TRPS1: variants seen among roughly 807,000 people sequenced by gnomAD.
TRPS1 encodes the protein zinc finger transcription factor Trps1.
TRPS1 carries 6 observed loss-of-function variants against 101.2 expected under a neutral mutation model. The observed-to-expected ratio is 0.06, with a 90% CI of 0.03 to 0.12. The LOEUF (loss-of-function observed/expected upper bound fraction) is 0.12, where lower values mean the gene tolerates loss of function less well. TRPS1 is among the 10% of genes least tolerant of loss of function. The pLI is 1.00. For missense variants in TRPS1, 1,363 were observed against 1,567.0 expected, an observed-to-expected ratio of 0.87 and a Z score of 2.20; for synonymous variants, 578 against 589.8, an observed-to-expected ratio of 0.98 and a Z score of 0.29.
chr8:115,624,139 C>A lies in TRPS1; in HGVS notation c.-121-381G>T, dbSNP rs566172327. Among the ~76,000 whole-genome samples the A allele has an allele frequency of 5.5e-5, 5 of 90,758 alleles. No homozygotes were observed. In the Admixed American group the frequency reaches 6.4e-4, roughly 12 times the overall value. 59.5% of individuals were successfully genotyped at this position (90,758 alleles called of 152,430 possible). Reference sequence around the variant, plus strand: ...GGAAAATCTTAAAGCAATTAAAATACGTAATCACAACAATGAACACAGTCA... The same window carrying A: ...GGAAAATCTTAAAGCAATTAAAATAAGTAATCACAACAATGAACACAGTCA... On this transcript the variant is annotated intron_variant, in intron 1 of 6. Transcript: ENST00000395715.
intron 5 of TRPS1, among the ~76,000 whole-genome samples, chr8:115,565,576 T>C (rs1370324257): frequency 2.0e-5 from 3 of 151,814 alleles, no homozygotes; most frequent in Non-Finnish European, 4.4e-5. Flanking sequence ...CTTTCATACA[T>C]ACATTAGTGA....
chr8:115,629,669 C>T (rs1356778122), intron 1 of TRPS1, among the ~76,000 whole-genome samples: 1 of 151,800 alleles, frequency 6.6e-6, no homozygotes, highest in African/African-American at 2.4e-5. Context: ...ATGGCAAAGG[C>T]CTTTAATTAA....
At chr8:115,658,016 G>A (rs1465521123) in intron 1 of TRPS1, among the ~76,000 whole-genome samples, 1 of 151,886 alleles carries the variant, frequency 6.6e-6, no homozygotes, top group Non-Finnish European at 1.5e-5. Flanking sequence ...ACAGTGTAGG[G>A]GGAAGAGGGG....
At chr8:115,662,359 A>G (rs1242096794) in intron 1 of TRPS1, among the ~76,000 whole-genome samples, 1 of 152,054 alleles carries the variant, frequency 6.6e-6, no homozygotes, top group Non-Finnish European at 1.5e-5. Flanking sequence ...AAAATCTATC[A>G]GGAAGAATTT....
intron 5 of TRPS1, among the ~76,000 whole-genome samples, chr8:115,444,080 T>C (rs1813672612): frequency 6.6e-6 from 1 of 152,218 alleles, no homozygotes; most frequent in Non-Finnish European, 1.5e-5. Flanking sequence ...ATTAGCATCT[T>C]ATCTTCCACT....
intron 5 of TRPS1, among the ~76,000 whole-genome samples, chr8:115,565,033 A>G (rs1001167860): frequency 2.6e-5 from 4 of 152,064 alleles, no homozygotes; most frequent in African/African-American, 9.7e-5. Flanking sequence ...AGTTGAGTAG[A>G]TGGAGAATAC....
intron 5 of TRPS1, among the ~76,000 whole-genome samples, chr8:115,556,955 A>T (rs1816835203): frequency 6.6e-6 from 1 of 152,160 alleles, no homozygotes; most frequent in Non-Finnish European, 1.5e-5. Context: ...ATAAAGACAT[A>T]TCCAAGACTG....
At chr8:115,488,290 T>C (rs761313615) in intron 5 of TRPS1, among the ~76,000 whole-genome samples, 15 of 152,262 alleles carry the variant, frequency 9.9e-5, no homozygotes, top group Non-Finnish European at 1.9e-4. Flanking sequence ...TTATATGCAC[T>C]GAGAAGCCAA....
At chr8:115,499,695 C>A (rs997718098) in intron 5 of TRPS1, among the ~76,000 whole-genome samples, 6 of 152,116 alleles carry the variant, frequency 3.9e-5, no homozygotes, top group African/African-American at 1.4e-4. Context: ...AATGTGTTTC[C>A]ATTCTATTTC....
chr8:115,536,222 A>T (rs940277724), intron 5 of TRPS1, among the ~76,000 whole-genome samples: 1 of 152,026 alleles, frequency 6.6e-6, no homozygotes, highest in Non-Finnish European at 1.5e-5. Context: ...AGCTTACCAT[A>T]AAAATAGTAT....
At chr8:115,625,209 G>T (rs567042607) in intron 1 of TRPS1, among the ~76,000 whole-genome samples, 11 of 151,864 alleles carry the variant, frequency 7.2e-5, no homozygotes, top group South Asian at 4.2e-4. Flanking sequence ...GCAAAGTAAA[G>T]AATCAAAACA....
intron 3 of TRPS1, among the ~76,000 whole-genome samples, chr8:115,612,988 T>C (rs1224663120): frequency 4.6e-5 from 7 of 152,142 alleles, no homozygotes; most frequent in Admixed American, 3.9e-4. Flanking sequence ...CTCCTTAACA[T>C]GTAATCTGCA....
intron 3 of TRPS1, among the ~76,000 whole-genome samples, chr8:115,615,095 GT>G (rs1474658552): frequency 6.6e-6 from 1 of 152,122 alleles, no homozygotes; most frequent in African/African-American, 2.4e-5. Flanking sequence ...ACAGTACTTG[GT>G]AAGTTAATCA....
At chr8:115,553,064 A>G (rs1816738681) in intron 5 of TRPS1, among the ~76,000 whole-genome samples, 2 of 152,144 alleles carry the variant, frequency 1.3e-5, no homozygotes. Context: ...TCTGCTACTA[A>G]AGAAACTCAA....
intron 4 of TRPS1, among the ~76,000 whole-genome samples, chr8:115,591,201 T>C (rs752486461): frequency 2.0e-5 from 3 of 152,220 alleles, no homozygotes; most frequent in Admixed American, 6.5e-5. Context: ...GGGCATTACC[T>C]GTGTTTTATT....
intron 3 of TRPS1, among the ~76,000 whole-genome samples, chr8:115,610,190 C>T (rs1280187454): frequency 6.6e-6 from 1 of 151,852 alleles, no homozygotes; most frequent in Admixed American, 6.6e-5. Context: ...TTTAAGAGAA[C>T]TTGAGGTTAT....
intron 5 of TRPS1, among the ~76,000 whole-genome samples, chr8:115,488,208 T>C (rs1358053197): frequency 1.3e-5 from 2 of 151,906 alleles, no homozygotes; most frequent in African/African-American, 4.8e-5. Context: ...TAAATTAAGA[T>C]ATGCACACTC....
chr8:115,615,453 T>C (rs1818256029), intron 3 of TRPS1, among the ~76,000 whole-genome samples: 1 of 152,188 alleles, frequency 6.6e-6, no homozygotes, highest in African/African-American at 2.4e-5. Flanking sequence ...GGTTTAAATA[T>C]AAGCATAATA....
At chr8:115,458,669 C>T (rs992029053) in intron 5 of TRPS1, among the ~76,000 whole-genome samples, 2 of 152,150 alleles carry the variant, frequency 1.3e-5, no homozygotes, top group East Asian at 1.9e-4. Flanking sequence ...GTAGGCAGCA[C>T]CTGCTAGTAT....
Sources: gnomAD v4.1 joint callset for allele counts (sites outside exome capture counted in the v4.1 genomes callset) on GRCh38, gnomAD v4.1.1 for gene constraint, MANE v1.5 for transcripts, NCBI Gene and HGNC (gene_info 2026-07-23, HGNC 2026-07-21) for gene names.